The following CELF2 variants were observed in gnomAD, a reference collection of about 807,000 sequenced individuals.
The protein encoded by CELF2 is CUGBP Elav-like family member 2.
Under a neutral mutation model 62.6 loss-of-function variants are expected in CELF2, and 8 were observed. That is an observed-to-expected ratio of 0.13 (90% CI 0.07 to 0.23). CELF2 has a LOEUF of 0.23. CELF2 is among the 10% of genes least tolerant of loss of function. CELF2 has a pLI of 1.00. For synonymous variants in CELF2, 258 were observed against 250.0 expected, an observed-to-expected ratio of 1.03 and a Z score of -0.30; for missense variants, 333 against 671.0, an observed-to-expected ratio of 0.50 and a Z score of 5.56.
intron 1 of CELF2, among the ~76,000 whole-genome samples, chr10:11,065,711 T>C (rs2067946099): frequency 6.6e-6 from 1 of 152,044 alleles, no homozygotes; most frequent in African/African-American, 2.4e-5. Context: ...CCCCCCGCCA[T>C]TGCTGAGTGT....
the CELF2 span, among the ~76,000 whole-genome samples, chr10:10,653,439 T>A: frequency 1.2e-3 from 177 of 147,788 alleles, no homozygotes; most frequent in Non-Finnish European, 2.2e-3. Flanking sequence ...ACACCACACC[T>A]ATTCCAAAAT....
chr10:10,658,634 T>A, the CELF2 span, among the ~76,000 whole-genome samples: 1 of 152,224 alleles, frequency 6.6e-6, no homozygotes, highest in Non-Finnish European at 1.5e-5. Context: ...TCTGCACTTT[T>A]TTCCTAATTT....
chr10:10,694,920 T>C, the CELF2 span, among the ~76,000 whole-genome samples: 1 of 151,018 alleles, frequency 6.6e-6, no homozygotes, highest in African/African-American at 2.5e-5. Context: ...GCACATGAGA[T>C]GGGTTTCCTG....
intron 1 of CELF2, among the ~76,000 whole-genome samples, chr10:10,909,247 CA>C (rs2063601604): frequency 6.6e-6 from 1 of 152,178 alleles, no homozygotes; most frequent in Non-Finnish European, 1.5e-5. Context: ...TAAAAGGGAG[CA>C]AATCTGTTCC....
At chr10:11,275,220 A>C in intron 8 of CELF2, 100 bp downstream of exon 8, 1 of 1,163,094 alleles carries the variant, frequency 8.6e-7, no homozygotes, top group Non-Finnish European at 1.3e-6. Context: ...AGAACCAAGA[A>C]TGATGATCAG....
chr10:10,963,773 G>C (rs935301020), intron 2 of CELF2, among the ~76,000 whole-genome samples: 1 of 152,158 alleles, frequency 6.6e-6, no homozygotes, highest in Non-Finnish European at 1.5e-5. Flanking sequence ...CCCATGTAAG[G>C]TGAAGAGAGG....
chr10:10,767,337 G>A, the CELF2 span, among the ~76,000 whole-genome samples: 1 of 152,062 alleles, frequency 6.6e-6, no homozygotes, highest in Admixed American at 6.5e-5. Flanking sequence ...GCTTATTTAT[G>A]TCTTCCAGAT....
At chr10:11,017,359 G>C (rs1175164430), upstream of CELF2, among the ~76,000 whole-genome samples, 1 of 152,236 alleles carries the variant, frequency 6.6e-6, no homozygotes, top group Non-Finnish European at 1.5e-5. The surrounding 1 kb of genome is among the most constrained non-coding windows in gnomAD (Gnocchi z 5.5). Context: ...CAAGATGACA[G>C]AAAAGGCAGT....
chr10:11,096,231 G>A (rs1299446521), intron 1 of CELF2: 3 of 152,240 alleles, frequency 2.0e-5, no homozygotes. Flanking sequence ...GCTATGTTAT[G>A]AATGGATTCT....
chr10:11,301,793 G>A (rs773505263), intron 9 of CELF2, among the ~76,000 whole-genome samples: 23 of 151,904 alleles, frequency 1.5e-4, no homozygotes, highest in Admixed American at 3.9e-4. Context: ...AAGCAGAAGG[G>A]AATGGTTTGA....
At chr10:10,896,974 G>C (rs1364635158) in intron 1 of CELF2, among the ~76,000 whole-genome samples, 1 of 152,172 alleles carries the variant, frequency 6.6e-6, no homozygotes, top group Non-Finnish European at 1.5e-5. Context: ...GGGAAATGGG[G>C]TGCTATTGTG....
the CELF2 span, among the ~76,000 whole-genome samples, chr10:10,724,670 AG>A: frequency 2.0e-3 from 291 of 148,496 alleles, 9 homozygotes; most frequent in African/African-American, 5.8e-3. Flanking sequence ...AAAAAAAAAA[AG>A]AAAAAAGAAA....
At chr10:10,933,682 T>C (rs2066334777) in intron 2 of CELF2, among the ~76,000 whole-genome samples, 1 of 152,224 alleles carries the variant, frequency 6.6e-6, no homozygotes, top group South Asian at 2.1e-4. Context: ...CACATATGAG[T>C]AAGGTGATAT....
At chr10:10,610,812 A>C in the CELF2 span, among the ~76,000 whole-genome samples, 1 of 152,244 alleles carries the variant, frequency 6.6e-6, no homozygotes, top group Non-Finnish European at 1.5e-5. Flanking sequence ...TCTCATTTTT[A>C]GACCAGTTAT....
Position 10,938,118 on chromosome 10 carries a change from C to T in CELF2, c.89+18119C>T, listed in dbSNP as rs1048186246. 1.3e-5 allele frequency among the ~76,000 whole-genome samples: 2 copies of T among 152,156 alleles called. No individual in the cohort carries two copies. The highest frequency in any genetic ancestry group is 4.8e-5 in the African/African-American group (2 of 41,442). ...AGAGATAGAGGGGAGATGGGTAATACTGAATATGCAGAATTCAATCATAGA... is the reference window on the plus strand; with the variant it reads ...AGAGATAGAGGGGAGATGGGTAATATTGAATATGCAGAATTCAATCATAGA... On this transcript the variant is annotated intron_variant, in intron 2 of 13. Transcript: ENST00000636488. This position sits in a 1 kb window ranked among gnomAD's most constrained non-coding sequence, Gnocchi z 4.2.
Position 10,983,947 on chromosome 10 carries a change from A to T in CELF2, c.89+63948A>T, listed in dbSNP as rs1174124617. 1.3e-5 allele frequency among the ~76,000 whole-genome samples: 2 copies of T among 152,224 alleles called. No homozygotes were observed. Among genetic ancestry groups the T allele is most frequent in the African/African-American group, 4.8e-5 (2 of 41,464 alleles). ...CATTGCAATTTGCATGTAACCTCTG[A>T]GTCAACTACTGAACTATTAAGTTGC... On this transcript the variant is annotated intron_variant, in intron 2 of 13. Coordinates refer to the CELF2 transcript ENST00000636488. The surrounding 1 kb of genome is among the most constrained non-coding windows in gnomAD (Gnocchi z 5.2).
chr10:10,616,992 A>T, the CELF2 span, among the ~76,000 whole-genome samples: 4 of 152,208 alleles, frequency 2.6e-5, no homozygotes, highest in South Asian at 8.3e-4. Context: ...CCCAGGCTCA[A>T]GCAATTCTCC....
At chr10:11,103,638 T>G (rs1298582263) in intron 1 of CELF2, among the ~76,000 whole-genome samples, 1 of 152,094 alleles carries the variant, frequency 6.6e-6, no homozygotes, top group Non-Finnish European at 1.5e-5. Flanking sequence ...CACGCAACTC[T>G]CGACACATGA....
intron 1 of CELF2, among the ~76,000 whole-genome samples, chr10:10,805,636 G>A (rs567310297): frequency 2.6e-5 from 4 of 152,242 alleles, no homozygotes; most frequent in South Asian, 4.2e-4. Flanking sequence ...TTTTAATGAG[G>A]GGGGGAGACG....
Sources: allele counts gnomAD v4.1 joint callset (sites outside exome capture counted in the v4.1 genomes callset), GRCh38; gene constraint gnomAD v4.1.1; non-coding constraint Gnocchi (gnomAD v3.1); transcripts MANE v1.5; gene names NCBI Gene and HGNC (gene_info 2026-07-23, HGNC 2026-07-21).